ZDHHC2: variants seen among roughly 807,000 people sequenced by gnomAD.
ZDHHC2 encodes palmitoyltransferase ZDHHC2.
Under a neutral mutation model 55.6 loss-of-function variants are expected in ZDHHC2, and 51 were observed. The ratio of observed to expected loss-of-function variants is 0.92; its 90% CI spans 0.73 to 1.16. ZDHHC2 has a LOEUF of 1.16. Among genes scored for constraint, ZDHHC2 ranks in the 50% most tolerant of loss-of-function variants. The pLI, the probability that ZDHHC2 is intolerant of heterozygous loss-of-function variation, is 0.00. For synonymous variants in ZDHHC2, 199 were observed against 152.9 expected (o/e 1.30, Z -2.22); for missense variants, 491 against 442.4 (o/e 1.11, Z -0.99).
chr8:17,164,482 A>T (rs1804507254), intron 1 of ZDHHC2, among the ~76,000 whole-genome samples: 1 of 152,204 alleles, frequency 6.6e-6, no homozygotes. Context: ...TGAAGTATAC[A>T]ATTAAGCATT....
chr8:17,162,564 G>GGGC (rs1356713057), intron 1 of ZDHHC2, among the ~76,000 whole-genome samples: 2 of 152,154 alleles, frequency 1.3e-5, no homozygotes, highest in Non-Finnish European at 2.9e-5. Flanking sequence ...AGCTTCTTGA[G>GGGC]GGCTTGAGTA....
intron 3 of ZDHHC2, among the ~76,000 whole-genome samples, chr8:17,194,633 C>A (rs993265382): frequency 6.6e-6 from 1 of 151,956 alleles, no homozygotes; most frequent in Non-Finnish European, 1.5e-5. Context: ...ATGAATGAAT[C>A]ATTGTATATA....
At chr8:17,209,341 ATACTT>A (rs757330971) in intron 8 of ZDHHC2, among the ~76,000 whole-genome samples, 1 of 152,256 alleles carries the variant, frequency 6.6e-6, no homozygotes, top group East Asian at 1.9e-4. Context: ...AAATTGGAAA[ATACTT>A]AGCCAGGCAT....
At chr8:17,179,288 G>A (rs569371115) in intron 1 of ZDHHC2, among the ~76,000 whole-genome samples, 14 of 152,296 alleles carry the variant, frequency 9.2e-5, no homozygotes, top group Non-Finnish European at 1.2e-4. Flanking sequence ...CAGTGGCGGT[G>A]GAGGGGGTGA....
intron 3 of ZDHHC2, among the ~76,000 whole-genome samples, chr8:17,194,900 C>G (rs1806228307): frequency 2.0e-5 from 3 of 151,990 alleles, no homozygotes; most frequent in Admixed American, 2.0e-4. Flanking sequence ...GTATGTGTGT[C>G]TGTGTGGAAG....
intron 12 of ZDHHC2, among the ~76,000 whole-genome samples, chr8:17,217,644 A>G (rs1807711909): frequency 6.6e-6 from 1 of 152,178 alleles, no homozygotes; most frequent in Non-Finnish European, 1.5e-5. Flanking sequence ...TCCATTAGGA[A>G]ACTCTAAGTC....
At chr8:17,161,605 C>G (rs1217860410) in intron 1 of ZDHHC2, among the ~76,000 whole-genome samples, 1 of 152,176 alleles carries the variant, frequency 6.6e-6, no homozygotes, top group Non-Finnish European at 1.5e-5. Context: ...CCCTTGTAAT[C>G]CCAGCACTTT....
intron 6 of ZDHHC2, among the ~76,000 whole-genome samples, chr8:17,200,822 C>T (rs1273475338): frequency 1.3e-5 from 2 of 152,284 alleles, no homozygotes; most frequent in African/African-American, 4.8e-5. Flanking sequence ...TGCTGTTACT[C>T]CACCCTTAGG....
intron 3 of ZDHHC2, among the ~76,000 whole-genome samples, chr8:17,192,293 A>G (rs976243305): frequency 2.4e-4 from 36 of 152,070 alleles, no homozygotes; most frequent in Admixed American, 1.6e-3. Context: ...CCCTTTGCCT[A>G]TCTTTAGGAT....
At chr8:17,210,614 G>A in intron 10 of ZDHHC2, 134 bp downstream of exon 10, 4 of 677,010 alleles carry the variant, frequency 5.9e-6, no homozygotes, top group South Asian at 2.4e-5. Context: ...CTTGAAATGA[G>A]GGAAAAAAGA....
intron 12 of ZDHHC2, among the ~76,000 whole-genome samples, chr8:17,219,539 T>C (rs1015364653): frequency 3.3e-5 from 5 of 152,010 alleles, no homozygotes; most frequent in African/African-American, 1.2e-4. Flanking sequence ...AGCAGATTGC[T>C]TGAGCTAAGG....
In ZDHHC2 at chr8:17,165,680, A is replaced by G. The variant is rs1420209501; in HGVS notation, c.130+8827A>G. On this transcript the variant is annotated intron_variant, in intron 1 of 12. Coordinates refer to ENST00000262096, the MANE Select transcript of ZDHHC2 (RefSeq NM_016353.5). Reference sequence around the variant, plus strand: ...AATTGGGGGAAGGAAAATGAAATAAAAAACATAAGTACATTAGACAGTTTG... The same window carrying G: ...AATTGGGGGAAGGAAAATGAAATAAGAAACATAAGTACATTAGACAGTTTG... Among the ~76,000 whole-genome samples the G allele has an allele frequency of 3.3e-5, 5 of 152,232 alleles. No homozygotes were observed. The East Asian group carries it at 9.6e-4, about 29-fold the overall frequency.
chr8:17,216,073 GTA>G (rs1265017733), intron 11 of ZDHHC2, among the ~76,000 whole-genome samples: 3 of 152,152 alleles, frequency 2.0e-5, no homozygotes, highest in African/African-American at 4.8e-5. Context: ...GCATGTGTGT[GTA>G]TATATGTGTG....
intron 10 of ZDHHC2, among the ~76,000 whole-genome samples, chr8:17,213,348 G>C (rs1563170403): frequency 1.3e-5 from 2 of 151,688 alleles, no homozygotes; most frequent in Non-Finnish European, 2.9e-5. Flanking sequence ...CTGTCTCCCA[G>C]GTTAAAGCAA....
chr8:17,156,947 G>A (rs1804087942), intron 1 of ZDHHC2, 94 bp downstream of exon 1: 2 of 1,231,800 alleles, frequency 1.6e-6, no homozygotes, highest in Non-Finnish European at 2.1e-6. Context: ...TCGCCCCCCG[G>A]ATGCGCCCCG....
At chr8:17,213,034 C>A (rs894793974) in intron 10 of ZDHHC2, among the ~76,000 whole-genome samples, 2 of 152,098 alleles carry the variant, frequency 1.3e-5, no homozygotes, top group Admixed American at 6.5e-5. Context: ...TCCTCAGACA[C>A]AGATCTTGCT....
In ZDHHC2 at chr8:17,223,653, T is replaced by G. The variant is rs1348925382; in HGVS notation, c.*3432T>G. ...GTAAAAATTCCTAGATTCTACTTTT[T>G]ATTGCAAGTGTTAGCAATATGATCT... On this transcript the variant is annotated 3_prime_UTR_variant, in exon 13 of 13. Transcript: ENST00000262096. The G allele has an allele frequency of 3.3e-5, 5 of 151,950 alleles. No individual in the cohort carries two copies. In the East Asian group the frequency reaches 9.7e-4, roughly 29 times the overall value. The allele number at this position is 151,950 out of a possible 1,614,324, so 9.4% of individuals were successfully genotyped here.
chr8:17,197,122 C>G (rs1806358439), intron 4 of ZDHHC2, among the ~76,000 whole-genome samples: 1 of 152,030 alleles, frequency 6.6e-6, no homozygotes, highest in African/African-American at 2.4e-5. Context: ...ATTTAAGCCC[C>G]CTAGAAATAA....
Position 17,190,258 on chromosome 8 carries a change from AAAAAAAAAAG to A in ZDHHC2, c.252+3838_252+3847del, listed in dbSNP as rs797006462. Reference sequence around the variant, plus strand: ...GCGACAGATCGACACTCCGTCTCAAAAAAAAAAAAGAAAAGAAAAGAATATATACCAATAA... The same window carrying A: ...GCGACAGATCGACACTCCGTCTCAAAAAAAGAAAAGAATATATACCAATAA... On this transcript the variant is annotated intron_variant, in intron 3 of 12. Coordinates refer to ENST00000262096, the MANE Select transcript of ZDHHC2 (RefSeq NM_016353.5). Among the ~76,000 whole-genome samples the A allele has an allele frequency of 4.6e-5, 7 of 151,896 alleles. 1 individual carries two copies. The highest frequency in any genetic ancestry group is 1.7e-4 in the African/African-American group (7 of 41,512).
Sources: gnomAD v4.1 joint callset for allele counts (sites outside exome capture counted in the v4.1 genomes callset) on GRCh38, gnomAD v4.1.1 for gene constraint, MANE v1.5 for transcripts, NCBI Gene and HGNC (gene_info 2026-07-23, HGNC 2026-07-21) for gene names.